The following CCSER1 variants were observed in gnomAD, a reference collection of about 807,000 sequenced individuals.
CCSER1 encodes serine-rich coiled-coil domain-containing protein 1.
A neutral mutation model predicts 82.0 loss-of-function variants in CCSER1; 41 were observed. The ratio of observed to expected loss-of-function variants is 0.50; its 90% CI spans 0.39 to 0.65. The LOEUF is 0.65. Ranked by LOEUF, CCSER1 falls within the 30% of genes least tolerant of loss-of-function variation. The probability of loss-of-function intolerance (pLI) is 0.00; values close to 1 mark genes in which losing one functional copy is unlikely to be tolerated. For missense variants in CCSER1, 1,119 were observed against 1,064.2 expected (o/e 1.05, Z -0.72); for synonymous variants, 414 against 383.9 (o/e 1.08, Z -0.92).
intron 8 of CCSER1, among the ~76,000 whole-genome samples, chr4:90,857,027 A>C (rs1312136254): frequency 2.0e-4 from 31 of 151,834 alleles, no homozygotes; most frequent in Admixed American, 2.0e-3. Context: ...CTTTTACTTC[A>C]ATCGCATATT....
chr4:91,576,626 C>CAT (rs1313494388), intron 10 of CCSER1, among the ~76,000 whole-genome samples: 3 of 151,956 alleles, frequency 2.0e-5, no homozygotes, highest in African/African-American at 7.2e-5. Context: ...TTTGCATATA[C>CAT]ATAATGATAT....
intron 3 of CCSER1, among the ~76,000 whole-genome samples, chr4:90,384,707 A>T (rs1390748214): frequency 6.6e-6 from 1 of 152,102 alleles, no homozygotes; most frequent in Non-Finnish European, 1.5e-5. Context: ...ATGCCCCACT[A>T]ATGGACCAGG....
intron 10 of CCSER1, among the ~76,000 whole-genome samples, chr4:91,403,376 T>C (rs149925703): frequency 1.6e-3 from 249 of 152,238 alleles, no homozygotes; most frequent in Middle Eastern, 0.01. Context: ...GCTAATGGAA[T>C]ACCTATTATT....
chr4:90,726,682 G>A (rs1000399698), intron 7 of CCSER1, among the ~76,000 whole-genome samples: 1 of 152,056 alleles, frequency 6.6e-6, no homozygotes, highest in Admixed American at 6.6e-5. Context: ...CCACACTATG[G>A]TTCAGTTCCT....
chr4:91,186,452 A>C (rs1734542476), intron 10 of CCSER1, among the ~76,000 whole-genome samples: 1 of 152,062 alleles, frequency 6.6e-6, no homozygotes, highest in East Asian at 1.9e-4. Flanking sequence ...TTAGTTTTCC[A>C]TTCCAACCAT....
intron 3 of CCSER1, among the ~76,000 whole-genome samples, chr4:90,390,550 T>C (rs1184874649): frequency 6.6e-6 from 1 of 152,216 alleles, no homozygotes; most frequent in Non-Finnish European, 1.5e-5. Context: ...TTTGGTTTTC[T>C]GTTCCTGATT....
At chr4:90,877,208 G>A (rs910309717) in intron 8 of CCSER1, among the ~76,000 whole-genome samples, 7 of 152,244 alleles carry the variant, frequency 4.6e-5, no homozygotes, top group African/African-American at 1.7e-4. Flanking sequence ...TATAGTCAGA[G>A]TTTGGAGCTA....
chr4:90,238,410 G>C (rs1016814915), intron 1 of CCSER1, among the ~76,000 whole-genome samples: 1 of 152,190 alleles, frequency 6.6e-6, no homozygotes, highest in Non-Finnish European at 1.5e-5. Context: ...AGAGAGCTCA[G>C]TCTGGCATTG....
intron 5 of CCSER1, among the ~76,000 whole-genome samples, chr4:90,578,638 G>A (rs140487768): frequency 7.2e-5 from 11 of 152,216 alleles, no homozygotes; most frequent in Non-Finnish European, 1.5e-4. Context: ...CTCAACTTCA[G>A]CTGATTGCCA....
Position 91,071,795 on chromosome 4 carries a change from T to C in CCSER1, c.2173-14155T>C, listed in dbSNP as rs566879295. On this transcript the variant is annotated intron_variant, in intron 9 of 10. Transcript: ENST00000509176. ...TGACATATCACACATTAAGTGCTAG[T>C]CCAGTTCTTACATATTTAAATTCAC... 4.4e-4 allele frequency among the ~76,000 whole-genome samples: 67 copies of C among 152,254 alleles called. 3 individuals are homozygous for C. The South Asian group carries it at 0.013, about 31-fold the overall frequency.
At chr4:90,579,014 A>ATGATTGCTTCT (rs769378861) in intron 5 of CCSER1, among the ~76,000 whole-genome samples, 67,486 of 151,136 alleles carry the variant, frequency 0.45, 18,412 homozygotes, top group African/African-American at 0.77. Context: ...TATGTTGTCT[A>ATGATTGCTTCT]TTAAAAAAAG....
chr4:90,995,278 A>C (rs954775410), intron 9 of CCSER1, among the ~76,000 whole-genome samples: 4 of 152,168 alleles, frequency 2.6e-5, no homozygotes, highest in African/African-American at 7.2e-5. Context: ...TTCACTATAC[A>C]TAGTTGAAAA....
intron 9 of CCSER1, among the ~76,000 whole-genome samples, chr4:91,079,584 T>C (rs1381784223): frequency 1.3e-5 from 2 of 152,200 alleles, no homozygotes; most frequent in East Asian, 3.9e-4. Flanking sequence ...GAATCTTAAA[T>C]GTAAATGGGC....
At chr4:91,378,719 T>A (rs554430943) in intron 10 of CCSER1, among the ~76,000 whole-genome samples, 1 of 152,276 alleles carries the variant, frequency 6.6e-6, no homozygotes, top group Non-Finnish European at 1.5e-5. Context: ...GACTTCCTCT[T>A]TTCCTAGCTG....
intron 9 of CCSER1, among the ~76,000 whole-genome samples, chr4:91,075,002 G>T (rs1721823220): frequency 6.6e-6 from 1 of 152,084 alleles, no homozygotes; most frequent in Admixed American, 6.6e-5. Context: ...AGGGAAGCAG[G>T]AGAAATCCTT....
chr4:91,401,392 AAT>A (rs1341392559), intron 10 of CCSER1, among the ~76,000 whole-genome samples: 1 of 148,246 alleles, frequency 6.7e-6, no homozygotes, highest in East Asian at 1.9e-4. Context: ...ATATCAATAT[AAT>A]ATATATATAC....
chr4:91,051,634 T>C (rs1045339272), intron 9 of CCSER1, among the ~76,000 whole-genome samples: 2 of 152,096 alleles, frequency 1.3e-5, no homozygotes, highest in Non-Finnish European at 2.9e-5. Flanking sequence ...TTGTCATAGC[T>C]GGGTAAATTG....
At chr4:90,591,638 G>C (rs1782709429) in intron 5 of CCSER1, among the ~76,000 whole-genome samples, 1 of 152,102 alleles carries the variant, frequency 6.6e-6, no homozygotes, top group South Asian at 2.1e-4. Context: ...ATTCCTCAAG[G>C]ATCTAGAATC....
At chr4:91,269,567 C>G (rs1355510609) in intron 10 of CCSER1, among the ~76,000 whole-genome samples, 1 of 152,110 alleles carries the variant, frequency 6.6e-6, no homozygotes, top group Non-Finnish European at 1.5e-5. Context: ...TTTTATCATT[C>G]TACAACATTT....
Sources: allele counts gnomAD v4.1 joint callset (sites outside exome capture counted in the v4.1 genomes callset), GRCh38; gene constraint gnomAD v4.1.1; transcripts MANE v1.5; gene names NCBI Gene and HGNC (gene_info 2026-07-23, HGNC 2026-07-21).